Variants in ZNF157 observed in about 807,000 individuals in gnomAD.
The protein encoded by ZNF157 is zinc finger protein 22.
A neutral mutation model predicts 9.4 loss-of-function variants in ZNF157; 8 were observed. The observed-to-expected ratio is 0.85, with a 90% CI of 0.50 to 1.53. The LOEUF is 1.53. Among genes scored for constraint, ZNF157 ranks in the 40% most tolerant of loss-of-function variants. The pLI is 0.00. For missense variants in ZNF157, 316 were observed against 385.2 expected (o/e 0.82, Z 1.50); for synonymous variants, 120 against 130.8 (o/e 0.92, Z 0.56).
intron 2 of ZNF157, 75 bp downstream of exon 2, chrX:47,410,477 C>A (rs188019160): frequency 8.8e-7 from 1 of 1,141,389 alleles, no homozygotes; most frequent in East Asian, 3.0e-5. Flanking sequence ...TGCAGCCTTG[C>A]GAGGGTTTAA....
chrX:47,400,307 GTC>G (rs1210221350), intron 1 of ZNF157, among the ~76,000 whole-genome samples: 2 of 110,562 alleles, frequency 1.8e-5, no homozygotes, highest in Admixed American at 9.7e-5. Flanking sequence ...AGCCTTTCCT[GTC>G]TCTCTCTATC....
chrX:47,375,619 C>T (rs2055842703), intron 1 of ZNF157, among the ~76,000 whole-genome samples: 1 of 111,297 alleles, frequency 9.0e-6, no homozygotes, highest in Non-Finnish European at 1.9e-5. Context: ...TTCACCTGTG[C>T]TTCAGCGATT....
chrX:47,382,306 T>TTC (rs2055865986), intron 1 of ZNF157, among the ~76,000 whole-genome samples: 1 of 97,233 alleles, frequency 1.0e-5, no homozygotes, highest in South Asian at 5.2e-4. Context: ...TTTTTTTTTT[T>TTC]TGAGACGCAG....
chrX:47,380,965 GAGGAGC>G (rs1285024300), intron 1 of ZNF157, among the ~76,000 whole-genome samples: 5 of 99,851 alleles, frequency 5.0e-5, no homozygotes, highest in Non-Finnish European at 1.0e-4. Flanking sequence ...GAAAGAAAAG[GAGGAGC>G]AGGAGGAGGA....
rs200982459 is a variant in ZNF157, at chrX:47,402,541, A to ATT, written c.73-7721_73-7720dup. Among the ~76,000 whole-genome samples, 341 of 92,989 alleles carry ATT rather than the reference A, an allele frequency of 3.7e-3. 1 individual carries two copies. Among genetic ancestry groups the ATT allele is most frequent in the Non-Finnish European group, 4.7e-3 (223 of 47,814 alleles). The allele number at this position is 92,989 out of a possible 115,157, so 80.7% of individuals were successfully genotyped here. On this transcript the variant is annotated intron_variant, in intron 1 of 3. Coordinates refer to ENST00000377073, the MANE Select transcript of ZNF157 (RefSeq NM_003446.4). ...TTGTTTGCATTTGATAAATTTTTTAATTTTTTTTTTTTTTTGGAGTCAGAG... is the reference window on the plus strand; with the variant it reads ...TTGTTTGCATTTGATAAATTTTTTAATTTTTTTTTTTTTTTTTGGAGTCAGAG...
In ZNF157 at chrX:47,400,767, C is replaced by T. The variant is rs188476696; in HGVS notation, c.73-9509C>T. Among the ~76,000 whole-genome samples, 114 of 111,758 alleles carry T rather than the reference C, an allele frequency of 1.0e-3. 2 individuals are homozygous for T. Among genetic ancestry groups the T allele is most frequent in the African/African-American group, 3.4e-3 (106 of 30,849 alleles). On this transcript the variant is annotated intron_variant, in intron 1 of 3. Transcript: ENST00000377073. ...ACCTCCTAGGCTCAGGCGATCCTCC[C>T]GCCTCAGCCACCTGAGTAGCTGGAA...
At chrX:47,383,915 T>C (rs2055872009) in intron 1 of ZNF157, among the ~76,000 whole-genome samples, 1 of 109,821 alleles carries the variant, frequency 9.1e-6, no homozygotes, top group African/African-American at 3.3e-5. Flanking sequence ...TGGGAGAATA[T>C]AGAAATGTAA....
intron 1 of ZNF157, among the ~76,000 whole-genome samples, chrX:47,384,239 CAAAT>C (rs747509124): frequency 8.6e-4 from 95 of 111,102 alleles, no homozygotes; most frequent in African/African-American, 3.0e-3. Flanking sequence ...GACAAAGTCT[CAAAT>C]AAATAAATAA....
In ZNF157 at chrX:47,412,952, C is replaced by A; in HGVS notation, c.879C>A (p.His293Gln). Residue 293 changes from histidine (H) to glutamine (Q), a missense_variant, in exon 4 of 4, where the codon CAC (histidine) becomes CAA (glutamine). Coordinates refer to ENST00000377073, the MANE Select transcript of ZNF157 (RefSeq NM_003446.4). ...TAAAGATATCCCTTACCCAACACCACAGAACTCATACAGGGGAGAAACCTT... is the reference window on the plus strand; with the variant it reads ...TAAAGATATCCCTTACCCAACACCAAAGAACTCATACAGGGGAGAAACCTT... The part of the protein sequence containing the change: ...FRVKISLTQH[H>Q]RTHTGEKPYE... 3.3e-6 allele frequency: 4 copies of A among 1,210,229 alleles called. No individual in the cohort carries two copies. The highest frequency in any genetic ancestry group is 4.5e-6 in the Non-Finnish European group (4 of 894,844).
At chrX:47,409,929 G>A (rs753690697) in intron 1 of ZNF157, among the ~76,000 whole-genome samples, 4 of 111,580 alleles carry the variant, frequency 3.6e-5, no homozygotes, top group Admixed American at 9.5e-5. Flanking sequence ...GATTACAGGC[G>A]TGAGCCACCG....
Position 47,412,446 on chromosome X carries a change from C to A in ZNF157, c.373C>A (p.Gln125Lys). ...GCATGATAATGACCTTCTTCACCATCAGAAGATTCAAACATTGGATCAAAA... is the reference window on the plus strand; with the variant it reads ...GCATGATAATGACCTTCTTCACCATAAGAAGATTCAAACATTGGATCAAAA... ...LRHDNDLLHHQKIQTLDQNVE... is the reference protein window; with the variant it reads ...LRHDNDLLHHKKIQTLDQNVE... Residue 125 changes from glutamine (Q) to lysine (K), a missense_variant, in exon 4 of 4, where the codon CAG (glutamine) becomes AAG (lysine). By Grantham distance (53) the Gln-to-Lys change is moderately conservative (BLOSUM62 1). This residue lies in a region of ZNF157 where 146 missense variants were observed against 183.8 expected (regional missense o/e 0.79). Transcript: ENST00000377073. The A allele has an allele frequency of 8.3e-7, 1 of 1,211,674 alleles. No individual in the cohort carries two copies. Among genetic ancestry groups the A allele is most frequent in the Non-Finnish European group, 1.1e-6 (1 of 895,326 alleles).
chrX:47,409,002 T>C (rs1733968053), intron 1 of ZNF157, among the ~76,000 whole-genome samples: 2 of 112,106 alleles, frequency 1.8e-5, no homozygotes, highest in South Asian at 3.7e-4. Flanking sequence ...CCTCAAACTC[T>C]GTACTTGGTG....
At chrX:47,371,006 T>A (rs1297606483) in intron 1 of ZNF157, among the ~76,000 whole-genome samples, 1 of 110,319 alleles carries the variant, frequency 9.1e-6, no homozygotes, top group Non-Finnish European at 1.9e-5. Context: ...GCACCACCAA[T>A]CTGTTCTCCA....
chrX:47,395,082 C>T (rs1163337057), intron 1 of ZNF157, among the ~76,000 whole-genome samples: 1 of 110,938 alleles, frequency 9.0e-6, no homozygotes, highest in Non-Finnish European at 1.9e-5. Context: ...CTTGGCCTCC[C>T]AAAGTGCTGG....
At chrX:47,380,024 C>CA (rs2055856532) in intron 1 of ZNF157, among the ~76,000 whole-genome samples, 1 of 110,392 alleles carries the variant, frequency 9.1e-6, no homozygotes, top group East Asian at 2.8e-4. Context: ...TTTGCCTTTC[C>CA]ATATAAACTT....
At chrX:47,412,317 C>A in intron 3 of ZNF157, 52 bp from the exon 4 acceptor site, 1 of 1,030,444 alleles carries the variant, frequency 9.7e-7, no homozygotes, top group Non-Finnish European at 1.3e-6. Flanking sequence ...ACAAGAGAAG[C>A]CAGTTTGGGA....
chrX:47,394,123 G>A (rs892133875), intron 1 of ZNF157, among the ~76,000 whole-genome samples: 1 of 109,591 alleles, frequency 9.1e-6, no homozygotes, highest in South Asian at 3.9e-4. Context: ...CACCACGCCC[G>A]GCTAATTTTT....
chrX:47,378,961 C>T (rs1277073130), intron 1 of ZNF157, among the ~76,000 whole-genome samples: 5 of 111,689 alleles, frequency 4.5e-5, no homozygotes, highest in Non-Finnish European at 9.4e-5. Flanking sequence ...TAATAATTTT[C>T]TCATTATAAT....
chrX:47,383,532 CAA>C (rs1202408433), intron 1 of ZNF157, among the ~76,000 whole-genome samples: 4 of 99,913 alleles, frequency 4.0e-5, no homozygotes, highest in African/African-American at 1.5e-4. Context: ...CCCATCTCTA[CAA>C]AAAAAAAATA....
Sources: gnomAD v4.1 joint callset for allele counts (sites outside exome capture counted in the v4.1 genomes callset) on GRCh38, gnomAD v4.1.1 for gene constraint, gnomAD v4.1.1 regional missense constraint, MANE v1.5 for transcripts, NCBI Gene and HGNC (gene_info 2026-07-23, HGNC 2026-07-21) for gene names.